The following ERG variants were observed in gnomAD, a reference collection of about 807,000 sequenced individuals.
ERG encodes the protein transcriptional regulator ERG.
A neutral mutation model predicts 55.3 loss-of-function variants in ERG; 9 were observed. The ratio of observed to expected loss-of-function variants is 0.16; its 90% CI spans 0.10 to 0.28. The LOEUF is 0.28. Ranked by LOEUF, ERG falls within the 10% of genes least tolerant of loss-of-function variation. The pLI is 1.00. For missense variants in ERG, 434 were observed against 631.6 expected (o/e 0.69, Z 3.35); for synonymous variants, 223 against 237.3 (o/e 0.94, Z 0.55).
chr21:38,382,381 G>C lies in ERG; in HGVS notation c.*1022C>G. On this transcript the variant is annotated 3_prime_UTR_variant, in exon 10 of 10. Transcript: ENST00000288319. Reference sequence around the variant, plus strand: ...AGGCCATCTCTTACCTGACCCTGTGGAGAACAAAGCCCCCACATAATGATG... The same window carrying C: ...AGGCCATCTCTTACCTGACCCTGTGCAGAACAAAGCCCCCACATAATGATG... 1 of 1,060,434 alleles carries C rather than the reference G, an allele frequency of 9.4e-7. No homozygotes were observed. The highest frequency in any genetic ancestry group is 4.6e-5 in the South Asian group (1 of 21,924). 65.7% of individuals were successfully genotyped at this position (1,060,434 alleles called of 1,614,324 possible).
chr21:38,473,291 C>G (rs1204696627), intron 1 of ERG, among the ~76,000 whole-genome samples: 1 of 152,098 alleles, frequency 6.6e-6, no homozygotes, highest in African/African-American at 2.4e-5. Context: ...TCTGCCTAGG[C>G]AGGCGAAGCT....
At chr21:38,406,154 CAAAA>C (rs56711562) in intron 3 of ERG, among the ~76,000 whole-genome samples, 60,355 of 95,124 alleles carry the variant, frequency 0.63, 17,361 homozygotes, top group Middle Eastern at 0.72. Flanking sequence ...GACTCCATCT[CAAAA>C]AAAAAAAAAA....
Position 38,381,040 on chromosome 21 carries a change from T to C in ERG, c.*2363A>G, listed in dbSNP as rs1276596811. ...AGGAGATACGGGCACTTTGTGGGCC[T>C]TCCCAGGCTGCTGCAAAATGATGGA... On this transcript the variant is annotated 3_prime_UTR_variant, in exon 10 of 10. Coordinates refer to ENST00000288319, the MANE Select transcript of ERG (RefSeq NM_182918.4). The C allele has an allele frequency of 3.8e-6, 4 of 1,064,432 alleles. No homozygotes were observed. In the South Asian group the frequency reaches 1.8e-4, roughly 48 times the overall value. The allele number at this position is 1,064,432 out of a possible 1,614,324, so 65.9% of individuals were successfully genotyped here.
At chr21:38,539,893 ATTTT>A (rs11338575) in intron 2 of ERG, among the ~76,000 whole-genome samples, 1 of 118,996 alleles carries the variant, frequency 8.4e-6, no homozygotes. Flanking sequence ...CCAACACGTG[ATTTT>A]TTTTTTTTTT....
At chr21:38,410,318 T>C (rs1338489809) in intron 3 of ERG, among the ~76,000 whole-genome samples, 1 of 152,214 alleles carries the variant, frequency 6.6e-6, no homozygotes, top group Non-Finnish European at 1.5e-5. Flanking sequence ...TTTTCAGCCT[T>C]CCATTCCAAT....
At position 38,460,174 on chromosome 21, in the gene ERG, G is replaced by A. The variant is rs996632479; in HGVS notation, c.19-14553C>T. On this transcript the variant is annotated intron_variant, in intron 1 of 9. Transcript: ENST00000288319. The surrounding 1 kb of genome is among the most constrained non-coding windows in gnomAD (Gnocchi z 5.0). ...CCAGAGTGGACTGCGGGGGCTGCAC[G>A]AGGAACAATGGGACCAAGAACAGCC... Among the ~76,000 whole-genome samples the A allele has an allele frequency of 7.9e-5, 12 of 152,142 alleles. No individual in the cohort carries two copies. Among genetic ancestry groups the A allele is most frequent in the Non-Finnish European group, 1.3e-4 (9 of 68,038 alleles).
intron 9 of ERG, among the ~76,000 whole-genome samples, chr21:38,384,519 T>A (rs1251412888): frequency 6.6e-6 from 1 of 152,188 alleles, no homozygotes; most frequent in Non-Finnish European, 1.5e-5. Context: ...ATTTCTGACG[T>A]CCTTAAAAGA....
intron 2 of ERG, among the ~76,000 whole-genome samples, chr21:38,432,534 G>A (rs947730390): frequency 6.6e-6 from 1 of 152,212 alleles, no homozygotes; most frequent in African/African-American, 2.4e-5. Context: ...GTATTTCACT[G>A]TTGACTAATG....
intron 3 of ERG, among the ~76,000 whole-genome samples, chr21:38,413,501 C>G (rs923049840): frequency 3.3e-5 from 5 of 152,036 alleles, no homozygotes; most frequent in African/African-American, 1.2e-4. Flanking sequence ...GTATAATCCT[C>G]TATGAAAGAT....
intron 1 of ERG, chr21:38,471,254 C>T (rs940650548): frequency 1.1e-4 from 16 of 152,166 alleles, no homozygotes; most frequent in African/African-American, 3.9e-4. Context: ...AATGCCTCTT[C>T]TGTCCTGAGC....
intron 1 of ERG, among the ~76,000 whole-genome samples, chr21:38,453,844 A>C (rs1280043603): frequency 6.8e-6 from 1 of 148,014 alleles, no homozygotes; most frequent in Non-Finnish European, 1.5e-5. Context: ...AGATCGCGCC[A>C]CGGCACTCTA....
At chr21:38,489,130 A>G (rs1292932545) in intron 1 of ERG, among the ~76,000 whole-genome samples, 1 of 152,214 alleles carries the variant, frequency 6.6e-6, no homozygotes, top group Admixed American at 6.5e-5. Context: ...TCTGTCTACA[A>G]ACCCTTTATC....
intron 1 of ERG, among the ~76,000 whole-genome samples, chr21:38,606,243 T>C (rs968675792): frequency 9.2e-5 from 14 of 152,104 alleles, no homozygotes; most frequent in African/African-American, 2.7e-4. Context: ...AGATAATTGA[T>C]AGAAGATAGG....
intron 9 of ERG, among the ~76,000 whole-genome samples, chr21:38,386,353 T>C (rs1601317615): frequency 6.6e-6 from 1 of 152,264 alleles, no homozygotes; most frequent in East Asian, 1.9e-4. Context: ...TTTAAGTAAA[T>C]GGTAGAAAGA....
intron 1 of ERG, among the ~76,000 whole-genome samples, chr21:38,612,871 C>T (rs2146931139): frequency 6.6e-6 from 1 of 152,260 alleles, no homozygotes; most frequent in South Asian, 2.1e-4. Context: ...CCGTGTTAGC[C>T]AGAATGGTCT....
intron 1 of ERG, among the ~76,000 whole-genome samples, chr21:38,605,977 A>G (rs1428491313): frequency 6.6e-6 from 1 of 152,018 alleles, no homozygotes; most frequent in African/African-American, 2.4e-5. Flanking sequence ...GTAGATAGGT[A>G]GGTAGGTACT....
At chr21:38,527,991 A>G (rs1284350055) in intron 2 of ERG, among the ~76,000 whole-genome samples, 1 of 152,204 alleles carries the variant, frequency 6.6e-6, no homozygotes, top group Non-Finnish European at 1.5e-5. Flanking sequence ...CGAAAGTCCA[A>G]GATCAAGGTG....
At chr21:38,499,253 G>C (rs1319587832), upstream of ERG, among the ~76,000 whole-genome samples, 2 of 152,206 alleles carry the variant, frequency 1.3e-5, no homozygotes, top group Non-Finnish European at 2.9e-5. Context: ...CCATGTTGCA[G>C]ACAACAGATC....
chr21:38,567,104 A>G (rs1401741650), intron 2 of ERG, among the ~76,000 whole-genome samples: 1 of 152,124 alleles, frequency 6.6e-6, no homozygotes, highest in Non-Finnish European at 1.5e-5. Context: ...TGTCTGGGGA[A>G]CACTTCACTA....
Sources: gnomAD v4.1 joint callset for allele counts (sites outside exome capture counted in the v4.1 genomes callset) on GRCh38, gnomAD v4.1.1 for gene constraint, Gnocchi (gnomAD v3.1) non-coding constraint, MANE v1.5 for transcripts, NCBI Gene and HGNC (gene_info 2026-07-23, HGNC 2026-07-21) for gene names.